The following FRY variants were observed in gnomAD, a reference collection of about 807,000 sequenced individuals.
FRY encodes the protein protein furry homolog.
In FRY, 128 loss-of-function variants were observed where a neutral mutation model predicts 348.4. That is an observed-to-expected ratio of 0.37 (90% CI 0.32 to 0.43). The LOEUF (loss-of-function observed/expected upper bound fraction) is 0.43. Ranked by LOEUF, FRY falls within the 20% of genes least tolerant of loss-of-function variation. The pLI, the probability that FRY is intolerant of heterozygous loss-of-function variation, is 1.00. For missense variants in FRY, 2,736 were observed against 3,695.2 expected (o/e 0.74, Z 6.73); for synonymous variants, 1,370 against 1,374.7 (o/e 1.00, Z 0.08).
At chr13:32,272,938 G>C (rs61948360) in intron 55 of FRY, among the ~76,000 whole-genome samples, 3 of 151,900 alleles carry the variant, frequency 2.0e-5, no homozygotes, top group Admixed American at 2.0e-4. Context: ...CAGAGACGGG[G>C]TTTCACCATG....
chr13:32,064,186 G>A (rs1462058794), intron 1 of FRY, among the ~76,000 whole-genome samples: 4 of 152,134 alleles, frequency 2.6e-5, no homozygotes, highest in Non-Finnish European at 5.9e-5. Flanking sequence ...GTACCAAGGA[G>A]TGGCTGGCCA....
chr13:32,260,379 T>C (rs1887565581), intron 51 of FRY, among the ~76,000 whole-genome samples: 1 of 141,626 alleles, frequency 7.1e-6, no homozygotes, highest in Non-Finnish European at 1.6e-5. Context: ...GTCAGCTGAG[T>C]AATATTTTTC....
At chr13:32,061,525 G>A (rs1207463868) in intron 1 of FRY, among the ~76,000 whole-genome samples, 3 of 152,038 alleles carry the variant, frequency 2.0e-5, no homozygotes, top group African/African-American at 4.8e-5. Context: ...ATAATTAATA[G>A]CATCATATTT....
intron 55 of FRY, among the ~76,000 whole-genome samples, chr13:32,274,483 G>T (rs546081186): frequency 6.7e-6 from 1 of 150,196 alleles, no homozygotes; most frequent in African/African-American, 2.5e-5. Flanking sequence ...CGAGGCGGGC[G>T]GATCACAAGG....
At chr13:32,180,308 C>T (rs1338948454) in intron 23 of FRY, among the ~76,000 whole-genome samples, 1 of 151,896 alleles carries the variant, frequency 6.6e-6, no homozygotes. Flanking sequence ...AATCTCAGCT[C>T]ACTGCAACCT....
intron 55 of FRY, 126 bp from the exon 56 acceptor site, chr13:32,274,703 CAAAAAAAAAAAAA>C (rs397723164): frequency 2.9e-5 from 9 of 306,742 alleles, no homozygotes; most frequent in African/African-American, 1.8e-4. Flanking sequence ...GATTCTGTCT[CAAAAAAAAAAAAA>C]AAAAAAAAAA....
intron 30 of FRY, 128 bp downstream of exon 30, chr13:32,202,168 AAG>A (rs1884067772): frequency 1.2e-6 from 1 of 801,778 alleles, no homozygotes; most frequent in African/African-American, 1.7e-5. Flanking sequence ...TGTGGCTATG[AAG>A]AGTGAGAAAG....
At chr13:32,035,800 T>C (rs1872481696) in intron 1 of FRY, among the ~76,000 whole-genome samples, 1 of 152,246 alleles carries the variant, frequency 6.6e-6, no homozygotes, top group Non-Finnish European at 1.5e-5. Context: ...ACAAATGAAC[T>C]GCTCTGGGGA....
intron 1 of FRY, among the ~76,000 whole-genome samples, chr13:32,063,532 G>A (rs1368217616): frequency 6.6e-6 from 1 of 152,170 alleles, no homozygotes; most frequent in African/African-American, 2.4e-5. Context: ...GACAGAGTCT[G>A]AAAACAACAG....
chr13:32,207,387 A>T lies in FRY; in HGVS notation c.4019-1466A>T, dbSNP rs140686992. ...AAAGCACTCTGTTTGTGCCTTTCTG[A>T]TTTCATTTGTCACTGTTTCCCTTGC... On this transcript the variant is annotated intron_variant, in intron 31 of 60. Coordinates refer to ENST00000542859, the MANE Select transcript of FRY (RefSeq NM_023037.3). Among the ~76,000 whole-genome samples, 680 of 152,178 alleles carry T rather than the reference A, an allele frequency of 4.5e-3. 2 individuals are homozygous for T. The highest frequency in any genetic ancestry group is 0.015 in the African/African-American group (609 of 41,518).
chr13:32,189,175 A>G (rs1883193113), intron 28 of FRY, among the ~76,000 whole-genome samples: 1 of 152,204 alleles, frequency 6.6e-6, no homozygotes, highest in Non-Finnish European at 1.5e-5. Flanking sequence ...CCCAAGCTTC[A>G]CTATAAATTT....
intron 47 of FRY, 131 bp from the exon 48 acceptor site, chr13:32,247,192 A>T (rs1273416413): frequency 1.4e-6 from 1 of 715,546 alleles, no homozygotes. Context: ...TTTACTTCTC[A>T]TGGAACCTGC....
Position 32,249,624 on chromosome 13 carries a change from T to C in FRY, c.7107T>C (p.Thr2369=), listed in dbSNP as rs775726363. 2 of 1,614,216 alleles carry C rather than the reference T, an allele frequency of 1.2e-6. No individual in the cohort carries two copies. The highest frequency in any genetic ancestry group is 1.7e-6 in the Non-Finnish European group (2 of 1,180,028). Residue 2369 remains threonine (T), a synonymous_variant, in exon 49 of 61, where the codon ACT becomes ACC. Transcript: ENST00000542859. ...AMAVTRSTSS[T]SSGSNSNVLV... is the part of the protein sequence containing the mutation. ...CCGTCACCCGGAGCACATCTTCCACTTCCTCAGGCTCCAACTCCAACGTCC... is the reference window on the plus strand; with the variant it reads ...CCGTCACCCGGAGCACATCTTCCACCTCCTCAGGCTCCAACTCCAACGTCC...
chr13:32,168,120 G>A (rs1251969995), intron 17 of FRY, among the ~76,000 whole-genome samples: 1 of 152,156 alleles, frequency 6.6e-6, no homozygotes, highest in East Asian at 1.9e-4. Flanking sequence ...CTTCATGGGG[G>A]GCCAGCAAGC....
chr13:32,274,307 A>G (rs1888369983), intron 55 of FRY, among the ~76,000 whole-genome samples: 1 of 152,202 alleles, frequency 6.6e-6, no homozygotes, highest in South Asian at 2.1e-4. Context: ...ACCAAAAAAA[A>G]TGTGAGGCAA....
chr13:32,191,897 A>G (rs930289644), intron 28 of FRY, among the ~76,000 whole-genome samples: 1 of 152,210 alleles, frequency 6.6e-6, no homozygotes, highest in Non-Finnish European at 1.5e-5. Context: ...GGTTGCGGGG[A>G]TACAAACATT....
intron 3 of FRY, among the ~76,000 whole-genome samples, chr13:32,103,104 C>T (rs1450409116): frequency 7.9e-5 from 12 of 152,204 alleles, no homozygotes; most frequent in Non-Finnish European, 1.8e-4. Flanking sequence ...TGAAGGAGAC[C>T]TCACAGGTTT....
intron 4 of FRY, among the ~76,000 whole-genome samples, chr13:32,120,336 A>G (rs980432991): frequency 3.9e-5 from 6 of 152,132 alleles, no homozygotes; most frequent in Admixed American, 2.0e-4. Flanking sequence ...GGAGCCCAGC[A>G]GTAATTTCAT....
chr13:32,221,583 G>T (rs1340398432), intron 36 of FRY, among the ~76,000 whole-genome samples: 1 of 152,158 alleles, frequency 6.6e-6, no homozygotes, highest in Non-Finnish European at 1.5e-5. Context: ...CACGATCTTG[G>T]CTCACTGCAG....
Sources: allele counts gnomAD v4.1 joint callset (sites outside exome capture counted in the v4.1 genomes callset), GRCh38; gene constraint gnomAD v4.1.1; transcripts MANE v1.5; gene names NCBI Gene and HGNC (gene_info 2026-07-23, HGNC 2026-07-21).